The following FAM185A variants were observed in gnomAD, a reference collection of about 807,000 sequenced individuals.
FAM185A encodes protein FAM185A.
Under a neutral mutation model 45.7 loss-of-function variants are expected in FAM185A, and 21 were observed. The ratio of observed to expected loss-of-function variants is 0.46; its 90% CI spans 0.33 to 0.66. FAM185A has a LOEUF of 0.66. FAM185A is among the 30% of genes least tolerant of loss of function. The pLI is 0.03. For synonymous variants in FAM185A, 117 were observed against 194.0 expected (o/e 0.60, Z 3.30); for missense variants, 305 against 485.4 (o/e 0.63, Z 3.49).
intron 7 of FAM185A, among the ~76,000 whole-genome samples, chr7:102,805,439 T>A (rs1320403486): frequency 5.9e-5 from 9 of 151,578 alleles, no homozygotes; most frequent in Non-Finnish European, 1.5e-5. Flanking sequence ...AATGGAAAAC[T>A]AAACATCATA....
intron 7 of FAM185A, among the ~76,000 whole-genome samples, chr7:102,801,334 AAAAC>A (rs924562538): frequency 6.6e-6 from 1 of 152,218 alleles, no homozygotes; most frequent in African/African-American, 2.4e-5. Flanking sequence ...AAAAAACAAA[AAAAC>A]AAAGTACACA....
the FAM185A span, among the ~76,000 whole-genome samples, chr7:102,844,648 G>A: frequency 6.6e-6 from 1 of 152,124 alleles, no homozygotes; most frequent in South Asian, 2.1e-4. Context: ...TACCAGATGT[G>A]TGGGTTTTTC....
chr7:102,775,220 C>G (rs1794986392), intron 5 of FAM185A, among the ~76,000 whole-genome samples: 1 of 152,056 alleles, frequency 6.6e-6, no homozygotes, highest in South Asian at 2.1e-4. Context: ...TAGCAAATAT[C>G]AAGTTTACAG....
At chr7:102,814,042 T>A (rs1046814695), downstream of FAM185A, among the ~76,000 whole-genome samples, 2 of 152,242 alleles carry the variant, frequency 1.3e-5, no homozygotes, top group East Asian at 1.9e-4. Context: ...AGAAGGTTTG[T>A]GACTCAAAGG....
At chr7:102,777,206 T>G in intron 5 of FAM185A, 47 bp from the exon 6 acceptor site, 1 of 1,547,200 alleles carries the variant, frequency 6.5e-7, no homozygotes, top group Non-Finnish European at 8.7e-7. Context: ...TGTAATTCCA[T>G]TTATCAAGTA....
the FAM185A span, among the ~76,000 whole-genome samples, chr7:102,818,591 C>G: frequency 6.6e-6 from 1 of 152,104 alleles, no homozygotes; most frequent in African/African-American, 2.4e-5. Context: ...CAACACAGAT[C>G]TCCTAGAATG....
chr7:102,786,831 A>T (rs186695313), intron 6 of FAM185A, among the ~76,000 whole-genome samples: 3 of 115,930 alleles, frequency 2.6e-5, no homozygotes, highest in South Asian at 2.8e-4. Flanking sequence ...AGTATAATAA[A>T]AAAAAAAAAA....
At chr7:102,786,829 A>T (rs1179367393) in intron 6 of FAM185A, among the ~76,000 whole-genome samples, 6 of 110,300 alleles carry the variant, frequency 5.4e-5, no homozygotes, top group Admixed American at 1.6e-4. Context: ...AAAGTATAAT[A>T]AAAAAAAAAA....
intron 7 of FAM185A, among the ~76,000 whole-genome samples, chr7:102,805,629 A>G (rs920636420): frequency 6.6e-6 from 1 of 152,182 alleles, no homozygotes; most frequent in Admixed American, 6.5e-5. Flanking sequence ...AATTACAACT[A>G]AAGAACTTAC....
At chr7:102,813,266 A>G, downstream of FAM185A, 1 of 1,310,186 alleles carries the variant, frequency 7.6e-7, no homozygotes, top group Non-Finnish European at 1.1e-6. Flanking sequence ...AGATTCAGCT[A>G]GTAAACATAC....
chr7:102,798,526 G>A (rs1046121626), intron 7 of FAM185A, among the ~76,000 whole-genome samples: 5 of 152,156 alleles, frequency 3.3e-5, no homozygotes, highest in Non-Finnish European at 7.3e-5. Flanking sequence ...AAGGAAATAG[G>A]TTGAAGGCTT....
chr7:102,773,771 T>C (rs1221275401), intron 5 of FAM185A, among the ~76,000 whole-genome samples: 1 of 152,078 alleles, frequency 6.6e-6, no homozygotes, highest in African/African-American at 2.4e-5. Context: ...AAACTTCCTT[T>C]CTCTGATGGA....
chr7:102,815,531 C>A, the FAM185A span, among the ~76,000 whole-genome samples: 1 of 152,096 alleles, frequency 6.6e-6, no homozygotes, highest in Non-Finnish European at 1.5e-5. Flanking sequence ...TCCCAAACAC[C>A]AGAGTTCTGG....
chr7:102,832,830 C>T, the FAM185A span: 7 of 1,614,108 alleles, frequency 4.3e-6, no homozygotes, highest in South Asian at 4.4e-5. Context: ...GCCCTGACTC[C>T]TGCACATACC....
intron 3 of FAM185A, among the ~76,000 whole-genome samples, chr7:102,759,718 T>G (rs1410073169): frequency 6.6e-6 from 1 of 151,994 alleles, no homozygotes; most frequent in Non-Finnish European, 1.5e-5. Context: ...TTTGGAAAAT[T>G]GGGTAATAGT....
At chr7:102,794,663 A>G (rs1249920012) in intron 7 of FAM185A, among the ~76,000 whole-genome samples, 2 of 152,224 alleles carry the variant, frequency 1.3e-5, no homozygotes, top group Non-Finnish European at 2.9e-5. Flanking sequence ...ATTCCTGGGC[A>G]TTTATCCTGG....
chr7:102,817,745 A>G, the FAM185A span, among the ~76,000 whole-genome samples: 3 of 152,190 alleles, frequency 2.0e-5, no homozygotes, highest in Non-Finnish European at 1.5e-5. Flanking sequence ...ATTGAAAAAA[A>G]CATGTATTCT....
chr7:102,828,372 C>T, the FAM185A span, among the ~76,000 whole-genome samples: 1 of 152,126 alleles, frequency 6.6e-6, no homozygotes, highest in Non-Finnish European at 1.5e-5. Flanking sequence ...TCCTTATGAC[C>T]ATTTCGAAAC....
At chr7:102,847,268 G>A in the FAM185A span, among the ~76,000 whole-genome samples, 1 of 152,078 alleles carries the variant, frequency 6.6e-6, no homozygotes, top group South Asian at 2.1e-4. Flanking sequence ...CACAATTGTA[G>A]TCACTGTAGG....
Sources: gnomAD v4.1 joint callset for allele counts (sites outside exome capture counted in the v4.1 genomes callset) on GRCh38, gnomAD v4.1.1 for gene constraint, MANE v1.5 for transcripts, NCBI Gene and HGNC (gene_info 2026-07-23, HGNC 2026-07-21) for gene names.